The following VPS13C variants were observed in gnomAD, a reference collection of about 807,000 sequenced individuals.
VPS13C encodes intermembrane lipid transfer protein VPS13C.
In VPS13C, 358 loss-of-function variants were observed where a neutral mutation model predicts 456.8. The observed-to-expected ratio is 0.78, with a 90% CI of 0.72 to 0.86. VPS13C has a LOEUF of 0.86. VPS13C is among the 40% of genes least tolerant of loss of function. VPS13C has a pLI of 0.00. For missense variants in VPS13C, 4,818 were observed against 4,385.4 expected (o/e 1.10, Z -2.79); for synonymous variants, 1,578 against 1,486.7 (o/e 1.06, Z -1.41).
chr15:61,936,480 A>G, intron 48 of VPS13C, 117 bp downstream of exon 48: 1 of 983,048 alleles, frequency 1.0e-6, no homozygotes, highest in Non-Finnish European at 1.4e-6. Flanking sequence ...CACAGTAAGT[A>G]GTACAATACT....
chr15:61,883,872 T>C (rs1896062883), intron 68 of VPS13C, among the ~76,000 whole-genome samples: 1 of 151,864 alleles, frequency 6.6e-6, no homozygotes, highest in Admixed American at 6.6e-5. Flanking sequence ...TATAAAAATA[T>C]AAAAATGTAA....
chr15:62,037,801 C>T (rs2048115707), intron 3 of VPS13C, among the ~76,000 whole-genome samples: 1 of 151,984 alleles, frequency 6.6e-6, no homozygotes, highest in Non-Finnish European at 1.5e-5. Context: ...TACACATAAC[C>T]ACCACATTCA....
intron 15 of VPS13C, among the ~76,000 whole-genome samples, chr15:62,006,638 T>C (rs1451113512): frequency 6.6e-6 from 1 of 152,218 alleles, no homozygotes; most frequent in South Asian, 2.1e-4. Context: ...GATGGCTGGG[T>C]CAAATGGTAT....
At chr15:61,881,690 T>C in intron 70 of VPS13C, 57 bp downstream of exon 70, 1 of 1,599,376 alleles carries the variant, frequency 6.3e-7, no homozygotes, top group South Asian at 1.1e-5. Context: ...GTTAAACTAA[T>C]GCCTATTTAA....
At chr15:61,910,455 A>T in intron 63 of VPS13C, 150 bp from the exon 64 acceptor site, 1 of 490,312 alleles carries the variant, frequency 2.0e-6, no homozygotes, top group Non-Finnish European at 3.0e-6. Context: ...TCATAGTAAG[A>T]TTACTGACAA....
chr15:61,969,163 A>T, intron 28 of VPS13C, 136 bp downstream of exon 28: 1 of 592,456 alleles, frequency 1.7e-6, no homozygotes, highest in Non-Finnish European at 2.7e-6. Flanking sequence ...TAAGGATTAA[A>T]TGAGTTATTA....
intron 66 of VPS13C, among the ~76,000 whole-genome samples, chr15:61,898,810 GCACCA>G (rs1489455526): frequency 2.0e-5 from 2 of 99,966 alleles, no homozygotes; most frequent in East Asian, 5.6e-4. Context: ...ATTTTTTTCA[GCACCA>G]CACCACACCT....
intron 67 of VPS13C, among the ~76,000 whole-genome samples, chr15:61,888,908 T>C (rs1896465352): frequency 6.6e-6 from 1 of 152,096 alleles, no homozygotes; most frequent in Non-Finnish European, 1.5e-5. Flanking sequence ...AGCTCATCAA[T>C]AGTAACAAAT....
At chr15:62,054,127 CA>C (rs2048712850) in intron 1 of VPS13C, among the ~76,000 whole-genome samples, 1 of 152,232 alleles carries the variant, frequency 6.6e-6, no homozygotes. Context: ...GGCATTTCAA[CA>C]TACCTTTTCA....
chr15:62,000,993 T>C (rs757863538), intron 15 of VPS13C, among the ~76,000 whole-genome samples: 4 of 152,208 alleles, frequency 2.6e-5, no homozygotes, highest in Non-Finnish European at 5.9e-5. Context: ...TATCATTACA[T>C]AGCCATTGTA....
At chr15:61,931,030 C>T in intron 50 of VPS13C, 60 bp downstream of exon 50, 2 of 1,589,286 alleles carry the variant, frequency 1.3e-6, no homozygotes, top group Non-Finnish European at 1.7e-6. Flanking sequence ...CAATGCCTGG[C>T]AGCCATGCAG....
rs529490962 is a variant in VPS13C at position 61,910,247 on chromosome 15, C to T, written c.8774G>A (p.Cys2925Tyr). ...AAAGAATGGTTTGGAAGATCCTTCA[C>T]AGCCCACCACTCTCACACAAAGTTT... ...SGKLCVRVVG[C>Y]EGSSKPFFYN... is the part of the protein sequence containing the mutation. The change falls in exon 64 of 85, where the codon TGT becomes TAT. Residue 2925 changes from cysteine (C) to tyrosine (Y), a missense_variant. Cys to Tyr is a radical substitution (Grantham distance 194). Transcript: ENST00000644861. The T allele has an allele frequency of 2.0e-6, 3 of 1,527,030 alleles. No homozygotes were observed. The highest frequency in any genetic ancestry group is 2.7e-6 in the Non-Finnish European group (3 of 1,131,408). The allele number at this position is 1,527,030 out of a possible 1,614,324, so 94.6% of individuals were successfully genotyped here. A position where few individuals can be genotyped will look rare whatever the true frequency, so the allele number is the denominator to read the frequency against.
intron 58 of VPS13C, 40 bp from the exon 59 acceptor site, chr15:61,918,297 G>A (rs200565894): frequency 2.0e-6 from 3 of 1,485,062 alleles, no homozygotes; most frequent in African/African-American, 1.5e-5. Flanking sequence ...TAAAAGATAT[G>A]TAAGTTCGAA....
intron 15 of VPS13C, among the ~76,000 whole-genome samples, chr15:62,002,094 G>A (rs185768505): frequency 0.019 from 2,904 of 152,200 alleles, 49 homozygotes; most frequent in South Asian, 0.044. Context: ...GAATCCCCAC[G>A]CTGACTTCCA....
rs1392627574 is a variant in VPS13C at position 61,882,610 on chromosome 15, A to G, written c.9610T>C (p.Leu3204=). 1.8e-5 allele frequency: 28 copies of G among 1,563,722 alleles called. No homozygotes were observed. Among genetic ancestry groups the G allele is most frequent in the Non-Finnish European group, 2.2e-5 (26 of 1,158,010 alleles). ...GACAATGTTACCTGAAGCCAGTACAACCTGGCCCTTAAACTTCTCTGGTGA... is the reference window on the plus strand; with the variant it reads ...GACAATGTTACCTGAAGCCAGTACAGCCTGGCCCTTAAACTTCTCTGGTGA... ...SSHQRSLRAR[L]YWLQVDNQLP... The change falls in exon 69 of 85, where the codon TTG becomes CTG. Residue 3204 remains leucine, a synonymous_variant. Transcript: ENST00000644861.
rs141116283 is a variant in VPS13C at position 61,950,975 on chromosome 15, G to A, written c.4506C>T (p.Asp1502=). ...TCAGTAACATTTTCAGAAGGGGTTC[G>A]TCAGTCACATTAGAAGAGTTAATAA... ...LHIINSSNVT[D]EPLLKMLLTK... is the part of the protein sequence containing the mutation. Residue 1502 remains aspartate (D), a synonymous_variant, in exon 40 of 85, where the codon GAC becomes GAT. Transcript: ENST00000644861. 404 of 1,603,280 alleles carry A rather than the reference G, an allele frequency of 2.5e-4. No individual in the cohort carries two copies. In the African/African-American group the frequency reaches 3.2e-3, roughly 13 times the overall value.
chr15:61,914,995 A>C (rs942871086), intron 61 of VPS13C, among the ~76,000 whole-genome samples: 3 of 151,860 alleles, frequency 2.0e-5, no homozygotes, highest in African/African-American at 7.3e-5. Context: ...GGCCCATTTT[A>C]AATGGTTAGA....
At position 61,907,388 on chromosome 15, in the gene VPS13C, C is replaced by T; in HGVS notation, c.8981G>A (p.Gly2994Glu). 1.2e-6 allele frequency: 2 copies of T among 1,613,446 alleles called. No individual in the cohort carries two copies. Among genetic ancestry groups the T allele is most frequent in the Non-Finnish European group, 1.7e-6 (2 of 1,179,632 alleles). ...PWDILTYKQS[G>E]SPEEMVLLPR... ...CAGCAAGACCATTTCTTCTGGTGACCCACTAAAACACAATGAACAGAGAGA... is the reference window on the plus strand; with the variant it reads ...CAGCAAGACCATTTCTTCTGGTGACTCACTAAAACACAATGAACAGAGAGA... The change falls in exon 66 of 85, where the codon GGG becomes GAG. Residue 2994 changes from glycine (G) to glutamate (E), a missense_variant and splice_region_variant. By Grantham distance (98) the Gly-to-Glu change is moderately conservative. Transcript: ENST00000644861.
rs528434788 is a variant in VPS13C, at chr15:62,041,811, C to G, written c.145-445G>C. On this transcript the variant is annotated intron_variant, in intron 2 of 84. Coordinates refer to ENST00000644861, the MANE Select transcript of VPS13C (RefSeq NM_020821.3). ...CTCCAGCCTGGGTGACAAGACAAAA[C>G]TCTGTCTCAAAAAAAAAAATTATAA... 8.6e-5 allele frequency among the ~76,000 whole-genome samples: 13 copies of G among 151,648 alleles called. No individual in the cohort carries two copies. The East Asian group carries it at 2.3e-3, about 27-fold the overall frequency.
Sources: gnomAD v4.1 joint callset for allele counts (sites outside exome capture counted in the v4.1 genomes callset) on GRCh38, gnomAD v4.1.1 for gene constraint, MANE v1.5 for transcripts, NCBI Gene and HGNC (gene_info 2026-07-23, HGNC 2026-07-21) for gene names.